Variants in FCRL5 observed in about 807,000 individuals in gnomAD.
The protein encoded by FCRL5 is Fc receptor-like protein 5.
Under a neutral mutation model 92.1 loss-of-function variants are expected in FCRL5, and 79 were observed. That is an observed-to-expected ratio of 0.86 (90% CI 0.72 to 1.03). The LOEUF (loss-of-function observed/expected upper bound fraction) is 1.03, where lower values mean the gene tolerates loss of function less well. Ranked by LOEUF, FCRL5 falls within the 50% of genes least tolerant of loss-of-function variation. FCRL5 has a pLI of 0.00. For missense variants in FCRL5, 1,160 were observed against 1,181.1 expected (o/e 0.98, Z 0.26); for synonymous variants, 466 against 469.3 (o/e 0.99, Z 0.09).
In FCRL5 at chr1:157,542,884, A is replaced by T. The variant is rs765488996; in HGVS notation, c.1098T>A (p.Ser366Arg). 6.2e-7 allele frequency: 1 copy of T among 1,613,338 alleles called. No homozygotes were observed. Among genetic ancestry groups the T allele is most frequent in the African/African-American group, 1.3e-5 (1 of 74,912 alleles). Reference protein sequence around the residue: ...TADNGLGAKPSKAVSLSVTVP... With the variant: ...TADNGLGAKPRKAVSLSVTVP... ...CAGTGACTGAGAGGCTCACAGCCTTACTGGGCTTGGCGCCAAGGCCATTGT... is the reference window on the plus strand; with the variant it reads ...CAGTGACTGAGAGGCTCACAGCCTTTCTGGGCTTGGCGCCAAGGCCATTGT... Residue 366 changes from serine to arginine, a missense_variant, in exon 6 of 17, where the codon AGT (serine) becomes AGA (arginine). Physicochemically the swap from Ser to Arg is moderately radical, Grantham distance 110 (BLOSUM62 -1). Coordinates refer to ENST00000361835, the MANE Select transcript of FCRL5 (RefSeq NM_031281.3).
intron 13 of FCRL5, 152 bp from the exon 14 acceptor site, chr1:157,518,934 T>C (rs1047375106): frequency 1.8e-6 from 1 of 568,056 alleles, no homozygotes; most frequent in Non-Finnish European, 3.1e-6. Flanking sequence ...CATTCTATTA[T>C]GAATCATAAT....
chr1:157,531,493 G>A (rs1328187882), intron 8 of FCRL5, among the ~76,000 whole-genome samples: 1 of 152,092 alleles, frequency 6.6e-6, no homozygotes, highest in Non-Finnish European at 1.5e-5. Flanking sequence ...AAATAAAGTC[G>A]CTATGTTAAA....
chr1:157,516,202 G>A, intron 15 of FCRL5: 1 of 427,520 alleles, frequency 2.3e-6, no homozygotes, highest in Non-Finnish European at 4.3e-6. Context: ...AGGTGTGGTG[G>A]GTGCAAGTTT....
rs367768883 is a variant in FCRL5 at position 157,521,000 on chromosome 1, G to A, written c.2515+17C>T. ...AACATTTTGTCCGCATCTGTGGCCC[G>A]GGCACGGGAAACTTACCTGTGATAT... On this transcript the variant is annotated intron_variant, in intron 11 of 16. Transcript: ENST00000361835. The A allele has an allele frequency of 2.0e-5, 32 of 1,585,578 alleles. 1 individual carries two copies. In the South Asian group the frequency reaches 2.2e-4, roughly 11 times the overall value.
chr1:157,543,702 A>G (rs548952422), intron 5 of FCRL5, among the ~76,000 whole-genome samples: 2 of 152,298 alleles, frequency 1.3e-5, no homozygotes, highest in South Asian at 2.1e-4. Context: ...TCATCACTGT[A>G]ACTACCATAA....
intron 11 of FCRL5, 29 bp downstream of exon 11, chr1:157,520,988 C>T: frequency 6.4e-7 from 1 of 1,574,386 alleles, no homozygotes; most frequent in Non-Finnish European, 8.6e-7. Context: ...ATTTTGTCCG[C>T]ATCTGTGGCC....
Position 157,539,309 on chromosome 1 carries a change from C to G in FCRL5, c.1179G>C (p.Glu393Asp). The change falls in exon 7 of 17, where the codon GAG becomes GAC. Residue 393 changes from glutamate (E) to aspartate (D), a missense_variant. Physicochemically the swap from Glu to Asp is conservative, Grantham distance 45 (BLOSUM62 2). Coordinates refer to ENST00000361835, the MANE Select transcript of FCRL5 (RefSeq NM_031281.3). Reference protein sequence around the residue: ...NLSSPEDLIFEGAKVTLHCEA... With the variant: ...NLSSPEDLIFDGAKVTLHCEA... ...CACAGTGAAGTGTCACCTTGGCTCC[C>G]TCAAAAATCAGGTCCTCAGGAGAGC... 2 of 1,614,022 alleles carry G rather than the reference C, an allele frequency of 1.2e-6. No individual in the cohort carries two copies. The highest frequency in any genetic ancestry group is 1.7e-6 in the Non-Finnish European group (2 of 1,179,960).
intron 12 of FCRL5, among the ~76,000 whole-genome samples, 188 bp from the exon 13 acceptor site, chr1:157,519,958 G>A (rs371825236): frequency 6.6e-6 from 1 of 152,188 alleles, no homozygotes; most frequent in African/African-American, 2.4e-5. Flanking sequence ...GGTTTGCTAT[G>A]ATGTGAAACG....
chr1:157,550,505 G>A (rs940810503), intron 1 of FCRL5, among the ~76,000 whole-genome samples: 4 of 152,100 alleles, frequency 2.6e-5, no homozygotes, highest in Admixed American at 6.5e-5. Context: ...AGATTATTTA[G>A]ACCTGATGCT....
In FCRL5 at chr1:157,518,478, A is replaced by C. The variant is rs1354088008; in HGVS notation, c.2763T>G (p.Asn921Lys). 4 of 1,613,826 alleles carry C rather than the reference A, an allele frequency of 2.5e-6. No individual in the cohort carries two copies. The highest frequency in any genetic ancestry group is 2.5e-6 in the Non-Finnish European group (3 of 1,179,972). Residue 921 changes from asparagine (N) to lysine (K), a missense_variant, in exon 15 of 17, where the codon AAT becomes AAG. Coordinates refer to ENST00000361835, the MANE Select transcript of FCRL5 (RefSeq NM_031281.3). Reference sequence around the variant, plus strand: ...TGATCCGTACTTCTGAGTAAACCACATTTTCTCCTCTAGGATTTGCTTAGA... The same window carrying C: ...TGATCCGTACTTCTGAGTAAACCACCTTTTCTCCTCTAGGATTTGCTTAGA... The part of the protein sequence containing the change: ...VYTNANPRGE[N>K]VVYSEVRIIQ...
chr1:157,542,107 C>G (rs916161019), intron 6 of FCRL5: 1 of 152,306 alleles, frequency 6.6e-6, no homozygotes, highest in African/African-American at 2.4e-5. Flanking sequence ...CTTCCAGGAC[C>G]AACCAAGACT....
At chr1:157,545,309 G>T (rs1199355323) in intron 3 of FCRL5, among the ~76,000 whole-genome samples, 2 of 151,994 alleles carry the variant, frequency 1.3e-5, no homozygotes, top group African/African-American at 2.4e-5. Context: ...CCATGTTTTG[G>T]CATATGTTTT....
intron 6 of FCRL5, chr1:157,542,634 A>C (rs1651318936): frequency 2.0e-6 from 1 of 511,226 alleles, no homozygotes; most frequent in South Asian, 4.2e-5. Flanking sequence ...CAGGGGATAG[A>C]AAGCCACTGC....
chr1:157,535,631 T>C (rs527788759), intron 7 of FCRL5, among the ~76,000 whole-genome samples: 1 of 152,350 alleles, frequency 6.6e-6, no homozygotes, highest in South Asian at 2.1e-4. Context: ...GTAATGATGA[T>C]AATGATAAAT....
At chr1:157,551,286 G>A (rs1274815627) in intron 1 of FCRL5, among the ~76,000 whole-genome samples, 1 of 152,088 alleles carries the variant, frequency 6.6e-6, no homozygotes, top group Non-Finnish European at 1.5e-5. Flanking sequence ...TCAGGACCTG[G>A]CCATTACCCA....
intron 8 of FCRL5, among the ~76,000 whole-genome samples, chr1:157,529,784 G>C (rs928267066): frequency 2.6e-5 from 4 of 152,210 alleles, no homozygotes; most frequent in African/African-American, 9.6e-5. Context: ...AAAGGCCTAA[G>C]CATAATATAA....
chr1:157,524,371 G>C lies in FCRL5; in HGVS notation c.2147C>G (p.Ser716Cys), dbSNP rs750416236. The change falls in exon 10 of 17, where the codon TCT becomes TGT. Residue 716 changes from serine to cysteine, a missense_variant. By Grantham distance (112) the Ser-to-Cys change is moderately radical (BLOSUM62 -1). Transcript: ENST00000361835. ...PSGGGASFNL[S>C]LTTEHSGIYS... ...GATTCCAGAATGTTCTGTAGTCAGA[G>C]AGAGGTTGAAGGAGGCCCCTCCTCC... 5.0e-6 allele frequency: 8 copies of C among 1,614,248 alleles called. No homozygotes were observed. The South Asian group carries it at 6.6e-5, about 13-fold the overall frequency.
chr1:157,534,153 G>A, intron 8 of FCRL5: 2 of 373,342 alleles, frequency 5.4e-6, no homozygotes, highest in South Asian at 5.4e-5. Flanking sequence ...AGTTTGAGGA[G>A]TTGGTTCCTA....
Position 157,544,396 on chromosome 1 carries a change from A to C in FCRL5, c.710T>G (p.Leu237Ter). The part of the protein sequence containing the change: ...RFFRDDQTLG[L>*]GWSLSPNFQI... ...GAAATTCGGGGAGAGACTCCAGCCT[A>C]ATCCCAGGGTCTGGTCATCTCTGAA... The change falls in exon 5 of 17, where the codon TTA (leucine) becomes TGA (stop). Residue 237 changes from leucine (L) to a stop codon, truncating the protein, a stop_gained. Transcript: ENST00000361835. LOFTEE classifies it high-confidence loss of function. 1 of 1,614,210 alleles carries C rather than the reference A, an allele frequency of 6.2e-7. No individual in the cohort carries two copies. Among genetic ancestry groups the C allele is most frequent in the Non-Finnish European group, 8.5e-7 (1 of 1,180,044 alleles).
Sources: allele counts gnomAD v4.1 joint callset (sites outside exome capture counted in the v4.1 genomes callset), GRCh38; gene constraint gnomAD v4.1.1; transcripts MANE v1.5; gene names NCBI Gene and HGNC (gene_info 2026-07-23, HGNC 2026-07-21).